GSAP: variants seen among roughly 807,000 people sequenced by gnomAD.
GSAP encodes the protein gamma-secretase activating protein, also known as gamma-secretase-activating protein.
Under a neutral mutation model 131.7 loss-of-function variants are expected in GSAP, and 118 were observed. That is an observed-to-expected ratio of 0.90 (90% confidence interval 0.77 to 1.04). The LOEUF (loss-of-function observed/expected upper bound fraction) is 1.04. Among genes scored for constraint, GSAP ranks in the 50% least tolerant of loss-of-function variants. GSAP has a pLI of 0.00. For missense variants in GSAP, 1,019 were observed against 1,013.2 expected (o/e 1.01, Z -0.08); for synonymous variants, 381 against 363.4 (o/e 1.05, Z -0.55).
intron 12 of GSAP, among the ~76,000 whole-genome samples, chr7:77,365,898 G>GT (rs35007328): frequency 0.024 from 2,724 of 115,602 alleles, 28 homozygotes; most frequent in African/African-American, 0.033. Context: ...GCAACTGTGG[G>GT]TTTTTTTTTT....
chr7:77,362,721 T>C (rs2150924153), intron 12 of GSAP, 61 bp from the exon 13 acceptor site: 2 of 895,872 alleles, frequency 2.2e-6, no homozygotes, highest in South Asian at 1.4e-5. Context: ...TAAAGTTTCC[T>C]AAACCACTTA....
chr7:77,393,122 A>C (rs1412510595), intron 5 of GSAP, among the ~76,000 whole-genome samples: 1 of 152,198 alleles, frequency 6.6e-6, no homozygotes, highest in African/African-American at 2.4e-5. Flanking sequence ...CCCTGTTTAC[A>C]AAAAAATGGT....
rs917656442 is a variant in GSAP, at chr7:77,371,808, A to G, written c.871+2262T>C. 5.9e-5 allele frequency among the ~76,000 whole-genome samples: 9 copies of G among 152,340 alleles called. No individual in the cohort carries two copies. In the East Asian group the frequency reaches 1.7e-3, roughly 29 times the overall value. ...TATCTAATCATGTTACTGCCTGCACAGACGCTTCAGTGAAGGAGTATCAGT... is the reference window on the plus strand; with the variant it reads ...TATCTAATCATGTTACTGCCTGCACGGACGCTTCAGTGAAGGAGTATCAGT... On this transcript the variant is annotated intron_variant, in intron 12 of 30. Transcript: ENST00000257626.
chr7:77,359,415 A>G (rs372896970), intron 14 of GSAP, among the ~76,000 whole-genome samples: 1 of 152,158 alleles, frequency 6.6e-6, no homozygotes, highest in Non-Finnish European at 1.5e-5. Flanking sequence ...ATTTATAAAC[A>G]TATCTTTCTT....
chr7:77,366,149 G>A (rs1181897), intron 12 of GSAP, among the ~76,000 whole-genome samples: 65,129 of 151,724 alleles, frequency 0.43, 15,341 homozygotes, highest in Middle Eastern at 0.53. Context: ...TTTGTCAGAT[G>A]CATAGTTTGC....
intron 6 of GSAP, among the ~76,000 whole-genome samples, chr7:77,383,491 T>C (rs901323694): frequency 6.6e-6 from 1 of 152,268 alleles, no homozygotes; most frequent in East Asian, 1.9e-4. Context: ...CAGTGAGTCA[T>C]GGTGCCACAT....
chr7:77,376,974 C>T, intron 9 of GSAP, 67 bp from the exon 10 acceptor site: 1 of 822,044 alleles, frequency 1.2e-6, no homozygotes, highest in Non-Finnish European at 2.0e-6. Context: ...AGTCAAGAAG[C>T]AAAACTTCAC....
intron 25 of GSAP, 64 bp downstream of exon 25, chr7:77,321,269 T>G (rs1562895487): frequency 3.0e-6 from 3 of 997,908 alleles, no homozygotes; most frequent in East Asian, 2.4e-5. Context: ...CAAAAGGGTT[T>G]TGCTACAACA....
In GSAP at chr7:77,336,065, A is replaced by C. The variant is rs117902957; in HGVS notation, c.1546-5698T>G. Among the ~76,000 whole-genome samples the C allele has an allele frequency of 7.2e-5, 11 of 152,378 alleles. No homozygotes were observed. The East Asian group carries it at 2.1e-3, about 29-fold the overall frequency. On this transcript the variant is annotated intron_variant, in intron 19 of 30. Transcript: ENST00000257626. ...GCCCACTTAGGGAAACGCATGCTGC[A>C]ATTTCAAGGTCTCCTGAATATAATT...
At chr7:77,406,518 A>G (rs560579398) in intron 1 of GSAP, among the ~76,000 whole-genome samples, 1 of 152,358 alleles carries the variant, frequency 6.6e-6, no homozygotes, top group African/African-American at 2.4e-5. Flanking sequence ...CCTCCTGTAG[A>G]TTAACCACTG....
chr7:77,339,591 T>C lies in GSAP; in HGVS notation c.1546-9224A>G, dbSNP rs559292109. 6.4e-4 allele frequency among the ~76,000 whole-genome samples: 98 copies of C among 152,094 alleles called. No individual in the cohort carries two copies. The South Asian group carries it at 0.02, about 30-fold the overall frequency. On this transcript the variant is annotated intron_variant, in intron 19 of 30. Transcript: ENST00000257626. ...CCCAAGCATGTGTGGAAATGATGAA[T>C]GGGAAACAACTGTCTGCAGAGCCAA... is the stretch of plus-strand genomic sequence containing the variant.
chr7:77,379,913 T>A (rs1180161059), intron 8 of GSAP: 7 of 971,064 alleles, frequency 7.2e-6, no homozygotes, highest in Non-Finnish European at 8.6e-6. Flanking sequence ...ACACAATTGA[T>A]AAATTCCATT....
intron 3 of GSAP, among the ~76,000 whole-genome samples, chr7:77,399,347 T>C (rs575678672): frequency 1.2e-3 from 176 of 152,354 alleles, no homozygotes; most frequent in African/African-American, 4.1e-3. Flanking sequence ...TCAATACATT[T>C]GTCAGCTTCC....
At chr7:77,366,216 T>A (rs1449131367) in intron 12 of GSAP, among the ~76,000 whole-genome samples, 2 of 152,204 alleles carry the variant, frequency 1.3e-5, no homozygotes, top group African/African-American at 4.8e-5. Context: ...TTTCTTTTGC[T>A]GTGCAGAAGC....
chr7:77,343,064 C>G (rs1791254802), intron 19 of GSAP, among the ~76,000 whole-genome samples: 1 of 152,192 alleles, frequency 6.6e-6, no homozygotes, highest in Non-Finnish European at 1.5e-5. Flanking sequence ...AGCCAAAGTG[C>G]AGGGCTGTAT....
At chr7:77,321,543 A>T in intron 24 of GSAP, 140 bp from the exon 25 acceptor site, 1 of 638,358 alleles carries the variant, frequency 1.6e-6, no homozygotes, top group Admixed American at 2.7e-5. Context: ...AGCCTTTCTG[A>T]GGTCAATTCT....
At chr7:77,330,184 G>A in intron 20 of GSAP, 55 bp downstream of exon 20, 2 of 1,551,550 alleles carry the variant, frequency 1.3e-6, no homozygotes, top group Non-Finnish European at 1.7e-6. Flanking sequence ...GGCATCACCT[G>A]GATCCAGTCC....
At chr7:77,397,828 G>A (rs1341715857) in intron 3 of GSAP, among the ~76,000 whole-genome samples, 1 of 152,096 alleles carries the variant, frequency 6.6e-6, no homozygotes, top group East Asian at 1.9e-4. Flanking sequence ...TAATCTACAT[G>A]AAGCACTTAG....
chr7:77,403,853 G>A (rs185927484), intron 3 of GSAP, among the ~76,000 whole-genome samples: 31 of 152,304 alleles, frequency 2.0e-4, no homozygotes, highest in Non-Finnish European at 3.7e-4. Flanking sequence ...CCAAGAGATC[G>A]TTAAGGGAGA....
Sources: allele counts gnomAD v4.1 joint callset (sites outside exome capture counted in the v4.1 genomes callset), GRCh38; gene constraint gnomAD v4.1.1; transcripts MANE v1.5; gene names NCBI Gene and HGNC (gene_info 2026-07-23, HGNC 2026-07-21).